MAML3: variants seen among roughly 807,000 people sequenced by gnomAD.
MAML3 encodes mastermind like transcriptional coactivator 3.
In MAML3, 27 loss-of-function variants were observed where a neutral mutation model predicts 101.9. That is an observed-to-expected ratio of 0.27 (90% CI 0.20 to 0.37). The LOEUF (loss-of-function observed/expected upper bound fraction) is 0.37. MAML3 is among the 10% of genes least tolerant of loss of function. The pLI, the probability that MAML3 is intolerant of heterozygous loss-of-function variation, is 1.00. For missense variants in MAML3, 1,316 were observed against 1,444.9 expected (o/e 0.91, Z 1.45); for synonymous variants, 501 against 555.9 (o/e 0.90, Z 1.39).
chr4:139,851,964 G>A (rs1578630878), intron 2 of MAML3, among the ~76,000 whole-genome samples: 1 of 152,126 alleles, frequency 6.6e-6, no homozygotes, highest in South Asian at 2.1e-4. Context: ...ACAAACCAAC[G>A]GGTTCTAAGA....
At chr4:139,971,409 T>C (rs1038804708) in intron 1 of MAML3, among the ~76,000 whole-genome samples, 1 of 152,228 alleles carries the variant, frequency 6.6e-6, no homozygotes, top group Non-Finnish European at 1.5e-5. Flanking sequence ...GGTATAACTA[T>C]ATTTAATGAT....
chr4:139,883,569 G>A (rs557376480), intron 2 of MAML3, among the ~76,000 whole-genome samples: 2 of 152,280 alleles, frequency 1.3e-5, no homozygotes, highest in East Asian at 3.9e-4. Context: ...GGGGGGTTGT[G>A]TATGTTTGTC....
chr4:140,146,955 GA>G (rs1331555560), intron 1 of MAML3, among the ~76,000 whole-genome samples: 2 of 151,784 alleles, frequency 1.3e-5, no homozygotes, highest in African/African-American at 4.8e-5. Context: ...CCAACATGGT[GA>G]AACCTGTCTC....
At chr4:139,748,604 G>A (rs1729397233) in intron 2 of MAML3, among the ~76,000 whole-genome samples, 1 of 152,188 alleles carries the variant, frequency 6.6e-6, no homozygotes, top group African/African-American at 2.4e-5. Flanking sequence ...GACACTTCCG[G>A]CTCAGTCCCC....
intron 1 of MAML3, among the ~76,000 whole-genome samples, chr4:140,095,264 C>T (rs1178678006): frequency 6.6e-6 from 1 of 152,228 alleles, no homozygotes; most frequent in Non-Finnish European, 1.5e-5. Flanking sequence ...CCCCAACTTT[C>T]ACAGAGCAAA....
At chr4:139,784,755 C>A (rs573263350) in intron 2 of MAML3, among the ~76,000 whole-genome samples, 1 of 152,200 alleles carries the variant, frequency 6.6e-6, no homozygotes. Context: ...CTATGCGCTA[C>A]GCCTTGGCCA....
chr4:139,791,526 C>T (rs1730413842), intron 2 of MAML3, among the ~76,000 whole-genome samples: 1 of 146,162 alleles, frequency 6.8e-6, no homozygotes. Flanking sequence ...AAAAAAGGCA[C>T]CCATTATCTA....
intron 1 of MAML3, among the ~76,000 whole-genome samples, chr4:139,892,513 G>A (rs1190484727): frequency 1.3e-5 from 2 of 149,418 alleles, no homozygotes; most frequent in East Asian, 2.0e-4. Context: ...CGTCTTTTAC[G>A]CTTTGCCTCC....
intron 1 of MAML3, among the ~76,000 whole-genome samples, chr4:140,077,401 G>C (rs1348628969): frequency 6.6e-6 from 1 of 152,126 alleles, no homozygotes; most frequent in East Asian, 1.9e-4. Context: ...CGCATCAAAG[G>C]CAGCCCTGAA....
At chr4:140,009,239 GA>G (rs1726509027) in intron 1 of MAML3, among the ~76,000 whole-genome samples, 1 of 152,224 alleles carries the variant, frequency 6.6e-6, no homozygotes, top group Non-Finnish European at 1.5e-5. Flanking sequence ...GAATTGCCAG[GA>G]AGGCAGAGAG....
At chr4:140,019,932 T>C (rs895190519) in intron 1 of MAML3, among the ~76,000 whole-genome samples, 3 of 152,218 alleles carry the variant, frequency 2.0e-5, no homozygotes, top group Admixed American at 1.3e-4. Flanking sequence ...AGTTTGTCCT[T>C]ATGTTTCCAT....
intron 1 of MAML3, among the ~76,000 whole-genome samples, chr4:139,996,270 T>G (rs1161917957): frequency 6.6e-6 from 1 of 152,220 alleles, no homozygotes; most frequent in Non-Finnish European, 1.5e-5. Context: ...GTTAAGCTGG[T>G]TAACAGTGTT....
At chr4:139,826,130 G>C (rs762686356) in intron 2 of MAML3, among the ~76,000 whole-genome samples, 1 of 152,012 alleles carries the variant, frequency 6.6e-6, no homozygotes, top group Non-Finnish European at 1.5e-5. Context: ...TCCTTCGCAC[G>C]TGAGAAGATT....
At chr4:139,790,274 T>C (rs1730385015) in intron 2 of MAML3, among the ~76,000 whole-genome samples, 1 of 146,092 alleles carries the variant, frequency 6.8e-6, no homozygotes, top group Admixed American at 6.9e-5. Flanking sequence ...TATATACCTA[T>C]ATATAATATA....
chr4:139,872,219 A>AT (rs540890560), intron 2 of MAML3, among the ~76,000 whole-genome samples: 6,700 of 152,164 alleles, frequency 0.044, 200 homozygotes, highest in African/African-American at 0.089. Flanking sequence ...TTTAAAAAAA[A>AT]TTTTTTAATC....
intron 1 of MAML3, among the ~76,000 whole-genome samples, chr4:139,946,919 ACACACACTCTCTCTCT>A (rs1176561280): frequency 1.3e-4 from 10 of 76,364 alleles, no homozygotes; most frequent in Admixed American, 4.1e-4. Flanking sequence ...ACACACACAC[ACACACACTCTCTCTCT>A]CTCTCTCTCT....
At chr4:140,083,934 A>ACG (rs1727904044) in intron 1 of MAML3, among the ~76,000 whole-genome samples, 1 of 113,462 alleles carries the variant, frequency 8.8e-6, no homozygotes, top group Non-Finnish European at 1.8e-5. Context: ...ACACGCGCGC[A>ACG]CACACACACA....
intron 1 of MAML3, among the ~76,000 whole-genome samples, chr4:139,926,696 CT>C (rs923170710): frequency 5.3e-5 from 8 of 152,210 alleles, no homozygotes; most frequent in African/African-American, 1.9e-4. Flanking sequence ...AAACTTTAAA[CT>C]TTTTTGACTT....
At chr4:139,818,980 G>T (rs1055864215) in intron 2 of MAML3, among the ~76,000 whole-genome samples, 4 of 152,150 alleles carry the variant, frequency 2.6e-5, no homozygotes, top group African/African-American at 4.8e-5. Flanking sequence ...CTTATTAAGT[G>T]CCTATTGTAT....
Sources: allele counts gnomAD v4.1 joint callset (sites outside exome capture counted in the v4.1 genomes callset), GRCh38; gene constraint gnomAD v4.1.1; transcripts MANE v1.5; gene names NCBI Gene and HGNC (gene_info 2026-07-23, HGNC 2026-07-21).